The following TPST1 variants were observed in gnomAD, a reference collection of about 807,000 sequenced individuals.
The protein encoded by TPST1 is tyrosylprotein sulfotransferase 1, also known as protein-tyrosine sulfotransferase 1.
In TPST1, 20 loss-of-function variants were observed where a neutral mutation model predicts 34.8. The observed-to-expected ratio is 0.57, with a 90% CI of 0.40 to 0.84. The LOEUF is 0.84. Ranked by LOEUF, TPST1 falls within the 40% of genes least tolerant of loss-of-function variation. The pLI is 0.00. For missense variants in TPST1, 353 were observed against 455.5 expected (o/e 0.78, Z 2.05); for synonymous variants, 152 against 159.4 (o/e 0.95, Z 0.35).
intron 3 of TPST1, among the ~76,000 whole-genome samples, chr7:66,326,798 T>C (rs759175738): frequency 1.9e-4 from 29 of 152,362 alleles, no homozygotes; most frequent in Non-Finnish European, 2.9e-4. Flanking sequence ...CTAAATTCTA[T>C]CTACTGTTGG....
chr7:66,233,128 C>T (rs1789834446), intron 1 of TPST1, among the ~76,000 whole-genome samples: 1 of 151,766 alleles, frequency 6.6e-6, no homozygotes, highest in Non-Finnish European at 1.5e-5. Flanking sequence ...ATATAATTTG[C>T]AGATATTTTC....
chr7:66,215,623 G>A (rs910201941), intron 1 of TPST1, among the ~76,000 whole-genome samples: 6 of 150,160 alleles, frequency 4.0e-5, no homozygotes, highest in African/African-American at 7.3e-5. Context: ...ATCCGCCCGC[G>A]TCGGCCTCCA....
chr7:66,310,116 A>T (rs1384402899), intron 3 of TPST1, among the ~76,000 whole-genome samples: 1 of 152,178 alleles, frequency 6.6e-6, no homozygotes, highest in East Asian at 1.9e-4. Context: ...GTAGCCAGTG[A>T]TAAATGTTTC....
intron 3 of TPST1, among the ~76,000 whole-genome samples, chr7:66,306,890 T>A (rs747413032): frequency 7.9e-5 from 12 of 151,870 alleles, no homozygotes; most frequent in Non-Finnish European, 1.5e-4. Flanking sequence ...ATTTTTGGTA[T>A]TTTTAGTAGA....
At position 66,332,833 on chromosome 7, in the gene TPST1, C is replaced by A. The variant is rs1233365078; in HGVS notation, c.1045-19672C>A. Among the ~76,000 whole-genome samples the A allele has an allele frequency of 1.3e-5, 2 of 152,112 alleles. No homozygotes were observed. The highest frequency in any genetic ancestry group is 2.4e-5 in the African/African-American group (1 of 41,400). ...CAGGAGGATATGTGTATGTTACGTG[C>A]AAATACTACACCATTTTATATAAGG... On this transcript the variant is annotated intron_variant, in intron 3 of 5. Transcript: ENST00000304842. The surrounding 1 kb of genome is among the most constrained non-coding windows in gnomAD (Gnocchi z 4.5).
intron 1 of TPST1, among the ~76,000 whole-genome samples, chr7:66,230,822 G>A (rs897707820): frequency 5.3e-5 from 8 of 152,146 alleles, no homozygotes; most frequent in Admixed American, 1.3e-4. Flanking sequence ...TGGTAGAGCC[G>A]AGTGGTCTGT....
At chr7:66,293,326 A>AC (rs1225267502) in intron 3 of TPST1, among the ~76,000 whole-genome samples, 3 of 151,876 alleles carry the variant, frequency 2.0e-5, no homozygotes, top group Non-Finnish European at 4.4e-5. Context: ...ACATAGTGAG[A>AC]CCCCCATCTC....
At chr7:66,200,001 A>T in the TPST1 span, among the ~76,000 whole-genome samples, 9 of 152,170 alleles carry the variant, frequency 5.9e-5, no homozygotes, top group African/African-American at 1.7e-4. Flanking sequence ...AAGTGCTGGG[A>T]TTACAGGCAT....
At chr7:66,256,492 G>A (rs958770286) in intron 2 of TPST1, among the ~76,000 whole-genome samples, 1 of 152,176 alleles carries the variant, frequency 6.6e-6, no homozygotes, top group African/African-American at 2.4e-5. Context: ...GTGGTATTTG[G>A]CAAGATTCAG....
intron 1 of TPST1, among the ~76,000 whole-genome samples, chr7:66,217,496 A>G (rs1319619264): frequency 6.6e-6 from 1 of 152,140 alleles, no homozygotes; most frequent in Non-Finnish European, 1.5e-5. Context: ...TGTATCTGAC[A>G]TTGTATAGTT....
intron 1 of TPST1, among the ~76,000 whole-genome samples, chr7:66,238,136 T>C (rs1202249708): frequency 6.6e-6 from 1 of 152,206 alleles, no homozygotes; most frequent in African/African-American, 2.4e-5. Context: ...GTAAGTTTAC[T>C]TCATCTAAGT....
chr7:66,232,200 A>ATTTTTT (rs1216330608), intron 1 of TPST1, among the ~76,000 whole-genome samples: 2 of 127,678 alleles, frequency 1.6e-5, no homozygotes, highest in Non-Finnish European at 3.3e-5. Flanking sequence ...TATTAAAAAA[A>ATTTTTT]ATTTTTTTTT....
chr7:66,272,141 GA>G (rs1352353894), intron 2 of TPST1, among the ~76,000 whole-genome samples: 3 of 151,972 alleles, frequency 2.0e-5, no homozygotes, highest in Non-Finnish European at 2.9e-5. Flanking sequence ...TCTTCTGGGG[GA>G]AAAAAGTATT....
intron 3 of TPST1, among the ~76,000 whole-genome samples, chr7:66,319,691 T>C (rs1014288778): frequency 1.3e-5 from 2 of 152,238 alleles, no homozygotes; most frequent in African/African-American, 2.4e-5. Flanking sequence ...TTTCACCTAA[T>C]ATATTTTGAA....
At chr7:66,326,841 A>G (rs934170162) in intron 3 of TPST1, among the ~76,000 whole-genome samples, 1 of 152,188 alleles carries the variant, frequency 6.6e-6, no homozygotes, top group Non-Finnish European at 1.5e-5. Context: ...TAGACTGACT[A>G]ATTTTTTTTC....
At position 66,241,261 on chromosome 7, in the gene TPST1, C is replaced by G; in HGVS notation, c.836C>G (p.Ser279Cys). The stretch of plus-strand genomic sequence containing the variant: ...ATGATTGGGAAAGCTGGGGGAGTGT[C>G]TCTGTCAAAGTGAGTAGAAGATACG... ...EEMIGKAGGVSLSKVERSTDQ... is the reference protein window; with the variant it reads ...EEMIGKAGGVCLSKVERSTDQ... Residue 279 changes from serine to cysteine, a missense_variant, in exon 2 of 6, where the codon TCT becomes TGT. Ser to Cys is a moderately radical substitution (Grantham distance 112, BLOSUM62 -1). Transcript: ENST00000304842. The G allele has an allele frequency of 1.9e-6, 3 of 1,607,908 alleles. No individual in the cohort carries two copies. The highest frequency in any genetic ancestry group is 2.5e-6 in the Non-Finnish European group (3 of 1,176,798).
At chr7:66,286,393 T>C (rs1312825442) in intron 2 of TPST1, 118 bp from the exon 3 acceptor site, 19 of 775,770 alleles carry the variant, frequency 2.4e-5, no homozygotes, top group Non-Finnish European at 3.1e-5. Flanking sequence ...GCCCTCTTTC[T>C]CAATTGTTTT....
intron 3 of TPST1, among the ~76,000 whole-genome samples, chr7:66,325,112 AT>A (rs1396984040): frequency 6.6e-5 from 10 of 152,180 alleles, no homozygotes; most frequent in African/African-American, 2.4e-4. Flanking sequence ...ACTTAAAATC[AT>A]AGTAGAAGGT....
intron 3 of TPST1, among the ~76,000 whole-genome samples, chr7:66,298,859 C>T (rs944889310): frequency 1.9e-4 from 29 of 152,074 alleles, no homozygotes; most frequent in African/African-American, 6.8e-4. Flanking sequence ...TGCAGTGGCT[C>T]ACACCTGTAA....
Sources: allele counts gnomAD v4.1 joint callset (sites outside exome capture counted in the v4.1 genomes callset), GRCh38; gene constraint gnomAD v4.1.1; non-coding constraint Gnocchi (gnomAD v3.1); transcripts MANE v1.5; gene names NCBI Gene and HGNC (gene_info 2026-07-23, HGNC 2026-07-21).